Variants in NRG1 observed in about 807,000 individuals in gnomAD.
The protein encoded by NRG1 is neuregulin 1.
In NRG1, 18 loss-of-function variants were observed where a neutral mutation model predicts 63.8. The ratio of observed to expected loss-of-function variants is 0.28; its 90% CI spans 0.19 to 0.42. NRG1 has a LOEUF of 0.42. NRG1 is among the 10% of genes least tolerant of loss of function. The pLI is 1.00. For synonymous variants in NRG1, 302 were observed against 301.3 expected, an observed-to-expected ratio of 1.00 and a Z score of -0.02; for missense variants, 762 against 814.7, an observed-to-expected ratio of 0.94 and a Z score of 0.79.
At chr8:31,739,745 G>A (rs1300051792) in intron 1 of NRG1, among the ~76,000 whole-genome samples, 1 of 152,060 alleles carries the variant, frequency 6.6e-6, no homozygotes, top group Admixed American at 6.6e-5. Flanking sequence ...TGATGCTCGT[G>A]TTGTCAGTTG....
intron 11 of NRG1, chr8:32,763,254 A>G (rs1831036291): frequency 6.2e-7 from 1 of 1,613,950 alleles, no homozygotes; most frequent in Non-Finnish European, 8.5e-7. Flanking sequence ...GAAACAAGGC[A>G]CACAGATCCA....
chr8:31,992,018 C>T (rs561332914), intron 1 of NRG1, among the ~76,000 whole-genome samples: 1 of 151,828 alleles, frequency 6.6e-6, no homozygotes, highest in African/African-American at 2.4e-5. Context: ...CAAAGAGGCA[C>T]AAGAGAGAGA....
intron 1 of NRG1, among the ~76,000 whole-genome samples, chr8:32,339,639 CTAATT>C (rs1803794642): frequency 6.6e-6 from 1 of 152,142 alleles, no homozygotes; most frequent in Non-Finnish European, 1.5e-5. Context: ...CATGCTTTAT[CTAATT>C]TAATCTGTAC....
intron 1 of NRG1, among the ~76,000 whole-genome samples, chr8:31,919,158 T>A (rs1453860705): frequency 6.6e-6 from 1 of 152,200 alleles, no homozygotes; most frequent in Non-Finnish European, 1.5e-5. Context: ...AACCAGGTCC[T>A]GGATTCATTG....
intron 5 of NRG1, chr8:32,646,607 C>A: frequency 1.2e-6 from 1 of 859,748 alleles, no homozygotes; most frequent in Non-Finnish European, 1.4e-6. Flanking sequence ...CTGGCTTTCT[C>A]TGACCCAACA....
intron 1 of NRG1, among the ~76,000 whole-genome samples, chr8:32,122,624 T>C (rs907466018): frequency 3.3e-5 from 5 of 151,706 alleles, no homozygotes; most frequent in African/African-American, 1.2e-4. Context: ...TTTTTATTAT[T>C]ATTATTATTA....
intron 1 of NRG1, among the ~76,000 whole-genome samples, chr8:32,428,984 A>G (rs1394125217): frequency 1.3e-5 from 2 of 152,192 alleles, no homozygotes; most frequent in Non-Finnish European, 2.9e-5. Flanking sequence ...AGTGTAACAT[A>G]CATAAGCTTG....
intron 1 of NRG1, among the ~76,000 whole-genome samples, chr8:31,940,493 C>T (rs552356385): frequency 6.6e-6 from 1 of 151,692 alleles, no homozygotes; most frequent in South Asian, 2.1e-4. Flanking sequence ...CTTCATGGAA[C>T]TAGAGAAAAA....
chr8:31,996,335 C>T (rs965293911), intron 1 of NRG1, among the ~76,000 whole-genome samples: 6 of 151,872 alleles, frequency 4.0e-5, no homozygotes, highest in South Asian at 2.1e-4. Flanking sequence ...AAGTAAAAGT[C>T]GCAATACACA....
chr8:32,154,238 C>G (rs79780669), intron 1 of NRG1, among the ~76,000 whole-genome samples: 1 of 152,108 alleles, frequency 6.6e-6, no homozygotes, highest in Non-Finnish European at 1.5e-5. Flanking sequence ...TTTGCGATCT[C>G]TCTACCTCTT....
intron 1 of NRG1, among the ~76,000 whole-genome samples, chr8:32,449,339 A>T (rs1333102962): frequency 1.3e-5 from 2 of 151,628 alleles, no homozygotes; most frequent in Admixed American, 1.3e-4. Context: ...AAATAAAATT[A>T]TCCTAAGTGA....
Position 32,421,267 on chromosome 8 carries a change from T to G in NRG1, c.38-174561T>G, listed in dbSNP as rs143436774. Among the ~76,000 whole-genome samples the G allele has an allele frequency of 2.0e-3, 310 of 152,264 alleles. 2 individuals carry two copies. The highest frequency in any genetic ancestry group is 7.1e-3 in the African/African-American group (297 of 41,542). On this transcript the variant is annotated intron_variant, in intron 1 of 10. Coordinates refer to the NRG1 transcript ENST00000519301. ...AAAAGGAATTGATCTGAATCAAATT[T>G]GCTGTTATCAAGAAGTAGGGTAGGG... is the stretch of plus-strand genomic sequence containing the variant.
chr8:32,703,260 A>G (rs1815424771), intron 5 of NRG1, among the ~76,000 whole-genome samples: 3 of 152,166 alleles, frequency 2.0e-5, no homozygotes, highest in Non-Finnish European at 2.9e-5. Context: ...TACCAACAAC[A>G]TAAGTCAGAA....
At chr8:32,065,451 G>T (rs1048368420) in intron 1 of NRG1, among the ~76,000 whole-genome samples, 3 of 152,126 alleles carry the variant, frequency 2.0e-5, no homozygotes, top group African/African-American at 7.2e-5. Context: ...AGAACATGTG[G>T]TGTTTGGTTT....
intron 1 of NRG1, among the ~76,000 whole-genome samples, chr8:32,470,564 C>T (rs1587836874): frequency 6.6e-6 from 1 of 152,188 alleles, no homozygotes; most frequent in East Asian, 1.9e-4. Flanking sequence ...CCTTTTTATT[C>T]TTATTCTGTT....
intron 1 of NRG1, among the ~76,000 whole-genome samples, chr8:32,238,385 G>A (rs1322101458): frequency 2.0e-5 from 3 of 151,548 alleles, no homozygotes; most frequent in African/African-American, 4.9e-5. Context: ...CTTGAACATG[G>A]CGGAGATTGC....
intron 5 of NRG1, among the ~76,000 whole-genome samples, chr8:32,722,439 T>A (rs2129004589): frequency 6.6e-6 from 1 of 152,298 alleles, no homozygotes; most frequent in Middle Eastern, 3.4e-3. Context: ...TTTTAGCCTG[T>A]CTTGAGAAGA....
At chr8:32,315,782 A>G (rs534274761) in intron 1 of NRG1, among the ~76,000 whole-genome samples, 1 of 152,360 alleles carries the variant, frequency 6.6e-6, no homozygotes, top group East Asian at 1.9e-4. Flanking sequence ...TGTAGGTCAC[A>G]GTGTCCAGCA....
chr8:32,255,169 T>C (rs753392396), intron 1 of NRG1, among the ~76,000 whole-genome samples: 8 of 152,218 alleles, frequency 5.3e-5, no homozygotes, highest in East Asian at 1.9e-4. Context: ...GTGTCTTTAA[T>C]TGGGGCATTT....
Sources: gnomAD v4.1 joint callset for allele counts (sites outside exome capture counted in the v4.1 genomes callset) on GRCh38, gnomAD v4.1.1 for gene constraint, MANE v1.5 for transcripts, NCBI Gene and HGNC (gene_info 2026-07-23, HGNC 2026-07-21) for gene names.